SPART: variants seen among roughly 807,000 people sequenced by gnomAD.
SPART encodes spartin, also known as spastic paraplegia 20 (Troyer syndrome).
SPART carries 35 observed loss-of-function variants against 58.7 expected under a neutral mutation model. That is an observed-to-expected ratio of 0.60 (90% CI 0.46 to 0.79). The LOEUF is 0.79. Among genes scored for constraint, SPART ranks in the 30% least tolerant of loss-of-function variants. The probability of loss-of-function intolerance (pLI) is 0.00; values close to 1 mark genes in which losing one functional copy is unlikely to be tolerated. For missense variants in SPART, 730 were observed against 786.1 expected (o/e 0.93, Z 0.85); for synonymous variants, 284 against 280.7 (o/e 1.01, Z -0.12).
intron 5 of SPART, among the ~76,000 whole-genome samples, chr13:36,321,534 A>T (rs537470150): frequency 0.02 from 2,966 of 149,798 alleles, 82 homozygotes; most frequent in African/African-American, 0.069. Context: ...TCTTCTAACA[A>T]CCCCACAATA....
At chr13:36,351,695 G>A (rs9547410) in intron 1 of SPART, among the ~76,000 whole-genome samples, 37,944 of 152,030 alleles carry the variant, frequency 0.25, 5,247 homozygotes, top group East Asian at 0.51. Flanking sequence ...CAAATCCTGG[G>A]TGATTATGCT....
intron 1 of SPART, among the ~76,000 whole-genome samples, chr13:36,362,618 G>A (rs1885908719): frequency 6.6e-6 from 1 of 152,080 alleles, no homozygotes; most frequent in Non-Finnish European, 1.5e-5. Context: ...GAGGCCACCT[G>A]AGAAGATCTG....
upstream of SPART, among the ~76,000 whole-genome samples, chr13:36,348,391 A>G (rs7993139): frequency 0.25 from 37,954 of 152,206 alleles, 5,240 homozygotes; most frequent in East Asian, 0.51. Context: ...TAAATTTCCA[A>G]CAGCCATAAA....
upstream of SPART, among the ~76,000 whole-genome samples, chr13:36,348,917 GAAAA>G (rs1267458915): frequency 2.0e-5 from 3 of 152,156 alleles, no homozygotes; most frequent in East Asian, 5.8e-4. Context: ...CACAGATCTT[GAAAA>G]AGAAGAATGA....
At position 36,313,801 on chromosome 13, in the gene SPART, G is replaced by A. The variant is rs117836352; in HGVS notation, c.1483+426C>T. Among the ~76,000 whole-genome samples, 101 of 152,318 alleles carry A rather than the reference G, an allele frequency of 6.6e-4. 1 individual carries two copies. In the East Asian group the frequency reaches 0.019, roughly 28 times the overall value. ...GTACATGCTATGATGTTCACACAAT[G>A]ATGAAATCACCTAATGACACATTTC... On this transcript the variant is annotated intron_variant, in intron 6 of 8. Coordinates refer to ENST00000438666, the MANE Select transcript of SPART (RefSeq NM_015087.5).
intron 2 of SPART, 97 bp from the exon 3 acceptor site, chr13:36,331,693 A>G: frequency 1.1e-6 from 1 of 914,060 alleles, no homozygotes; most frequent in South Asian, 1.6e-5. Context: ...TAGAAAATAA[A>G]CACTTCAAAG....
chr13:36,333,056 T>A (rs951707373), intron 2 of SPART, among the ~76,000 whole-genome samples: 1 of 151,904 alleles, frequency 6.6e-6, no homozygotes, highest in African/African-American at 2.4e-5. Context: ...TTCTTTCAGA[T>A]TATCTATATC....
In SPART at chr13:36,326,218, C is replaced by T. The variant is rs958052159; in HGVS notation, c.1288+357G>A. ...TCAATATATGAATTTTGAAGGGACACATTCAGACCACAGCTGAGGGACAGG... is the reference window on the plus strand; with the variant it reads ...TCAATATATGAATTTTGAAGGGACATATTCAGACCACAGCTGAGGGACAGG... On this transcript the variant is annotated intron_variant, in intron 5 of 8. Coordinates refer to ENST00000438666, the MANE Select transcript of SPART (RefSeq NM_015087.5). 3.5e-5 allele frequency: 11 copies of T among 317,988 alleles called. No individual in the cohort carries two copies. In the East Asian group the frequency reaches 9.6e-4, roughly 28 times the overall value. 19.7% of individuals were successfully genotyped at this position (317,988 alleles called of 1,614,324 possible). A position where few individuals can be genotyped will look rare whatever the true frequency, so the allele number is the denominator to read the frequency against.
chr13:36,331,194 T>C (rs1457131331), intron 3 of SPART, among the ~76,000 whole-genome samples: 2 of 152,218 alleles, frequency 1.3e-5, no homozygotes, highest in Admixed American at 1.3e-4. Context: ...TTTGAATTCA[T>C]ATACAGGCAA....
chr13:36,314,110 G>T, intron 6 of SPART, 117 bp downstream of exon 6: 1 of 1,057,800 alleles, frequency 9.5e-7, no homozygotes, highest in Non-Finnish European at 1.4e-6. Context: ...AAACTGCTTT[G>T]TCCTAATTCT....
At chr13:36,319,830 T>C (rs966575363) in intron 5 of SPART, among the ~76,000 whole-genome samples, 1 of 149,544 alleles carries the variant, frequency 6.7e-6, no homozygotes. Context: ...ACAGCCCCCA[T>C]TACTTCAATC....
chr13:36,346,210 T>TC lies in SPART; in HGVS notation c.-3+14dup, dbSNP rs1165225306. The stretch of plus-strand genomic sequence containing the variant: ...CCCAAGGGACCGCGCAGGGGTGAAC[T>TC]CCCCCGCGCCCCACCTGCGCCTTCC... On this transcript the variant is annotated intron_variant, in intron 1 of 8. Transcript: ENST00000438666. The TC allele has an allele frequency of 1.1e-5, 1 of 87,456 alleles. No homozygotes were observed. The allele number at this position is 87,456 out of a possible 1,614,324, so 5.4% of individuals were successfully genotyped here.
intron 5 of SPART, among the ~76,000 whole-genome samples, chr13:36,317,786 A>G (rs1055899190): frequency 2.0e-5 from 3 of 152,096 alleles, no homozygotes; most frequent in Non-Finnish European, 4.4e-5. Context: ...CACCTTACCT[A>G]AAACCTAAAT....
At chr13:36,347,239 G>A (rs1307603435), upstream of SPART, among the ~76,000 whole-genome samples, 1 of 152,044 alleles carries the variant, frequency 6.6e-6, no homozygotes, top group Non-Finnish European at 1.5e-5. Context: ...TTTGTTTTGA[G>A]ACAGAGTCTT....
At chr13:36,317,571 A>G (rs1400411989) in intron 5 of SPART, among the ~76,000 whole-genome samples, 1 of 123,084 alleles carries the variant, frequency 8.1e-6, no homozygotes, top group Non-Finnish European at 1.7e-5. Flanking sequence ...TCTGCACCCC[A>G]TCCCTTATTT....
intron 1 of SPART, among the ~76,000 whole-genome samples, chr13:36,343,047 C>A (rs1172374458): frequency 1.3e-5 from 2 of 152,162 alleles, no homozygotes; most frequent in Admixed American, 6.5e-5. Flanking sequence ...TTAATTTAGG[C>A]ACAACTCCCA....
intron 1 of SPART, among the ~76,000 whole-genome samples, chr13:36,361,944 G>A (rs1885876516): frequency 1.3e-5 from 2 of 152,132 alleles, no homozygotes; most frequent in South Asian, 4.1e-4. Context: ...CCTGTGTGAT[G>A]TTTCAAGGTT....
At chr13:36,353,563 C>T (rs1885505225) in intron 1 of SPART, among the ~76,000 whole-genome samples, 1 of 152,072 alleles carries the variant, frequency 6.6e-6, no homozygotes. Flanking sequence ...AGCATTTGGG[C>T]TTGTGTTAGG....
intron 5 of SPART, among the ~76,000 whole-genome samples, chr13:36,320,599 G>T (rs1882276241): frequency 6.6e-6 from 1 of 151,964 alleles, no homozygotes; most frequent in Admixed American, 6.5e-5. Flanking sequence ...ACTCCTCAGG[G>T]ATTATTCAGG....
Sources: gnomAD v4.1 joint callset for allele counts (sites outside exome capture counted in the v4.1 genomes callset) on GRCh38, gnomAD v4.1.1 for gene constraint, MANE v1.5 for transcripts, NCBI Gene and HGNC (gene_info 2026-07-23, HGNC 2026-07-21) for gene names.